SEPTIN9: variants seen among roughly 807,000 people sequenced by gnomAD.
The protein encoded by SEPTIN9 is septin-9.
Under a neutral mutation model 56.6 loss-of-function variants are expected in SEPTIN9, and 13 were observed. The observed-to-expected ratio is 0.23, with a 90% CI of 0.15 to 0.37. The LOEUF is 0.37. Ranked by LOEUF, SEPTIN9 falls within the 10% of genes least tolerant of loss-of-function variation. The pLI is 1.00. For synonymous variants in SEPTIN9, 332 were observed against 334.1 expected (o/e 0.99, Z 0.07); for missense variants, 650 against 823.1 (o/e 0.79, Z 2.57).
chr17:77,391,690 C>T (rs1435116406), intron 2 of SEPTIN9, among the ~76,000 whole-genome samples: 2 of 152,182 alleles, frequency 1.3e-5, no homozygotes, highest in South Asian at 4.1e-4. Context: ...GTGCCAATGT[C>T]CCCTGCGGAC....
chr17:77,331,094 C>T lies in SEPTIN9; in HGVS notation c.76+23897C>T, dbSNP rs150838521. On this transcript the variant is annotated intron_variant, in intron 2 of 11. Transcript: ENST00000427177. ...TTCAGGCTGGGTACAGTGGCTCACACCTGCAATCCCAGAACTTTGGGAGGC... is the reference window on the plus strand; with the variant it reads ...TTCAGGCTGGGTACAGTGGCTCACATCTGCAATCCCAGAACTTTGGGAGGC... Among the ~76,000 whole-genome samples the T allele has an allele frequency of 1.4e-4, 21 of 152,300 alleles. No homozygotes were observed. The East Asian group carries it at 4.0e-3, about 29-fold the overall frequency.
intron 3 of SEPTIN9, among the ~76,000 whole-genome samples, chr17:77,422,472 G>T (rs931882888): frequency 6.6e-6 from 1 of 152,154 alleles, no homozygotes; most frequent in Non-Finnish European, 1.5e-5. Flanking sequence ...TGGTCTCTGG[G>T]CCTCCAGGGC....
chr17:77,486,300 C>T (rs1027205234), intron 4 of SEPTIN9, among the ~76,000 whole-genome samples: 1 of 151,938 alleles, frequency 6.6e-6, no homozygotes, highest in East Asian at 1.9e-4. Flanking sequence ...GACAGGGTCT[C>T]TCTGTGTTGC....
intron 2 of SEPTIN9, among the ~76,000 whole-genome samples, chr17:77,320,585 AT>A (rs1567991836): frequency 6.6e-6 from 1 of 151,870 alleles, no homozygotes; most frequent in Non-Finnish European, 1.5e-5. Flanking sequence ...CTTCCCTTTC[AT>A]TTTCCAGTGT....
chr17:77,335,074 A>G (rs547508532), intron 2 of SEPTIN9, among the ~76,000 whole-genome samples: 2 of 151,932 alleles, frequency 1.3e-5, no homozygotes, highest in African/African-American at 4.8e-5. Context: ...CTGTATTAGT[A>G]TATACATATC....
chr17:77,403,212 C>T (rs1177024564), intron 3 of SEPTIN9, among the ~76,000 whole-genome samples: 1 of 152,164 alleles, frequency 6.6e-6, no homozygotes, highest in Non-Finnish European at 1.5e-5. Context: ...GGGACGTATG[C>T]CTCCTGAGGC....
At position 77,425,412 on chromosome 17, in the gene SEPTIN9, G is replaced by C. The variant is rs567646965; in HGVS notation, c.721+22709G>C. Among the ~76,000 whole-genome samples the C allele has an allele frequency of 6.6e-6, 1 of 152,294 alleles. No individual in the cohort carries two copies. The highest frequency in any genetic ancestry group is 2.4e-5 in the African/African-American group (1 of 41,564). Reference sequence around the variant, plus strand: ...AGAGGTCCGGGAGGGGGATGTGACCGTGTCCCCAGGGTGAAGCCCACCCGA... The same window carrying C: ...AGAGGTCCGGGAGGGGGATGTGACCCTGTCCCCAGGGTGAAGCCCACCCGA... On this transcript the variant is annotated intron_variant, in intron 3 of 11. Coordinates refer to ENST00000427177, the MANE Select transcript of SEPTIN9 (RefSeq NM_001113491.2). This position sits in a 1 kb window ranked among gnomAD's most constrained non-coding sequence, Gnocchi z 4.2.
intron 3 of SEPTIN9, among the ~76,000 whole-genome samples, chr17:77,426,069 CCA>C (rs2036897839): frequency 1.3e-5 from 2 of 152,106 alleles, no homozygotes; most frequent in South Asian, 4.1e-4. Context: ...CCCAGCACCT[CCA>C]CACCAGGAAA....
intron 3 of SEPTIN9, among the ~76,000 whole-genome samples, chr17:77,439,131 C>T (rs1452587877): frequency 4.6e-5 from 7 of 152,078 alleles, no homozygotes; most frequent in Non-Finnish European, 1.0e-4. Flanking sequence ...AGTGACTGGC[C>T]CAGGGTCATG....
intron 1 of SEPTIN9, among the ~76,000 whole-genome samples, chr17:77,295,927 T>C (rs1412689197): frequency 1.3e-5 from 2 of 152,146 alleles, no homozygotes. Context: ...GCCCTTCCCC[T>C]TGAATTCCTG....
chr17:77,452,962 G>A (rs145070285), intron 3 of SEPTIN9, among the ~76,000 whole-genome samples: 1 of 151,414 alleles, frequency 6.6e-6, no homozygotes, highest in African/African-American at 2.4e-5. Flanking sequence ...CCTGTGGTGT[G>A]GCTCGCCTTT....
intron 3 of SEPTIN9, among the ~76,000 whole-genome samples, chr17:77,468,864 A>G (rs2038859932): frequency 6.6e-6 from 1 of 152,182 alleles, no homozygotes; most frequent in South Asian, 2.1e-4. Flanking sequence ...TTTGGGATGG[A>G]TGAGTGGATT....
At chr17:77,412,478 T>C (rs2036338980) in intron 3 of SEPTIN9, among the ~76,000 whole-genome samples, 1 of 152,206 alleles carries the variant, frequency 6.6e-6, no homozygotes, top group Non-Finnish European at 1.5e-5. Flanking sequence ...GGCTAACACC[T>C]ATAATCCCAG....
In SEPTIN9 at chr17:77,487,548, G is replaced by T. The variant is rs201773410; in HGVS notation, c.1038G>T (p.Thr346=). 9 of 1,612,788 alleles carry T rather than the reference G, an allele frequency of 5.6e-6. No individual in the cohort carries two copies. The East Asian group carries it at 1.6e-4, about 28-fold the overall frequency. The change falls in exon 5 of 12, where the codon ACG becomes ACT. Residue 346 remains threonine (T), a synonymous_variant. Transcript: ENST00000427177. The surrounding 1 kb of genome is among the most constrained non-coding windows in gnomAD (Gnocchi z 4.3). ...AGACCATCGAGATCAAGTCCATCACGCACGGTCAGTGGCCGGGAGTGGGCT... is the reference window on the plus strand; with the variant it reads ...AGACCATCGAGATCAAGTCCATCACTCACGGTCAGTGGCCGGGAGTGGGCT... ...IPKTIEIKSI[T]HDIEEKGVRM... is the part of the protein sequence containing the mutation.
rs369609856 is a variant in SEPTIN9 at position 77,497,310 on chromosome 17, C to G, written c.1574-5C>G. On this transcript the variant is annotated splice_region_variant and splice_polypyrimidine_tract_variant and intron_variant, in intron 10 of 11. Coordinates refer to ENST00000427177, the MANE Select transcript of SEPTIN9 (RefSeq NM_001113491.2). ...CATTAAAGCCCCTCCTGTCTCCTCT[C>G]CTAGTTGAAAACACCACACACTGTG... 6.2e-7 allele frequency: 1 copy of G among 1,613,524 alleles called. No homozygotes were observed. The highest frequency in any genetic ancestry group is 2.2e-5 in the East Asian group (1 of 44,882).
intron 2 of SEPTIN9, among the ~76,000 whole-genome samples, chr17:77,386,249 G>C (rs2035334495): frequency 6.6e-6 from 1 of 152,202 alleles, no homozygotes; most frequent in African/African-American, 2.4e-5. Flanking sequence ...CTCCTGCAGA[G>C]GGGCCTCATG....
At chr17:77,316,703 TC>T (rs2032720359) in intron 2 of SEPTIN9, among the ~76,000 whole-genome samples, 1 of 142,612 alleles carries the variant, frequency 7.0e-6, no homozygotes, top group Non-Finnish European at 1.6e-5. Flanking sequence ...TTCTTCCTCT[TC>T]TTTTTTTTTT....
chr17:77,353,036 A>G (rs1239943448), intron 2 of SEPTIN9, among the ~76,000 whole-genome samples: 1 of 152,220 alleles, frequency 6.6e-6, no homozygotes, highest in Non-Finnish European at 1.5e-5. Context: ...ACATCTTCAA[A>G]GACCCTATGT....
In SEPTIN9 at chr17:77,326,618, T is replaced by C. The variant is rs1255635822; in HGVS notation, c.76+19421T>C. Among the ~76,000 whole-genome samples, 3 of 152,202 alleles carry C rather than the reference T, an allele frequency of 2.0e-5. No individual in the cohort carries two copies. The highest frequency in any genetic ancestry group is 4.4e-5 in the Non-Finnish European group (3 of 68,040). The stretch of plus-strand genomic sequence containing the variant: ...AGACTGACTGTCATGTTGTGAAATA[T>C]ACACTTGGTTTTCATCTCCATTTCC... On this transcript the variant is annotated intron_variant, in intron 2 of 11. Coordinates refer to ENST00000427177, the MANE Select transcript of SEPTIN9 (RefSeq NM_001113491.2). The surrounding 1 kb of genome is among the most constrained non-coding windows in gnomAD (Gnocchi z 5.1).
Sources: gnomAD v4.1 joint callset for allele counts (sites outside exome capture counted in the v4.1 genomes callset) on GRCh38, gnomAD v4.1.1 for gene constraint, Gnocchi (gnomAD v3.1) non-coding constraint, MANE v1.5 for transcripts, NCBI Gene and HGNC (gene_info 2026-07-23, HGNC 2026-07-21) for gene names.